NDUFAF2: variants seen among roughly 807,000 people sequenced by gnomAD.
NDUFAF2 encodes NADH dehydrogenase [ubiquinone] 1 alpha subcomplex assembly factor 2.
NDUFAF2 carries 13 observed loss-of-function variants against 22.8 expected under a neutral mutation model. The observed-to-expected ratio is 0.57, with a 90% confidence interval of 0.37 to 0.91. NDUFAF2 has a LOEUF of 0.91. Among genes scored for constraint, NDUFAF2 ranks in the 40% least tolerant of loss-of-function variants. The pLI is 0.01. For synonymous variants in NDUFAF2, 53 were observed against 64.2 expected (o/e 0.83, Z 0.84); for missense variants, 162 against 195.2 (o/e 0.83, Z 1.01).
At chr5:61,139,348 G>A (rs1741016160) in intron 3 of NDUFAF2, among the ~76,000 whole-genome samples, 1 of 152,144 alleles carries the variant, frequency 6.6e-6, no homozygotes, top group South Asian at 2.1e-4. Context: ...CCTGGGAAGA[G>A]ATCAGAATTC....
At chr5:61,059,432 T>A (rs1752137222) in intron 1 of NDUFAF2, among the ~76,000 whole-genome samples, 1 of 152,094 alleles carries the variant, frequency 6.6e-6, no homozygotes, top group Non-Finnish European at 1.5e-5. Flanking sequence ...TTAAAAAAAA[T>A]TCATTAATGA....
chr5:61,047,986 T>C (rs933240788), intron 1 of NDUFAF2, among the ~76,000 whole-genome samples: 2 of 152,186 alleles, frequency 1.3e-5, no homozygotes, highest in Non-Finnish European at 2.9e-5. Context: ...CAAAGCAATT[T>C]AATAAACATG....
At chr5:61,081,866 G>A (rs1170749460) in intron 2 of NDUFAF2, among the ~76,000 whole-genome samples, 2 of 152,214 alleles carry the variant, frequency 1.3e-5, no homozygotes, top group African/African-American at 4.8e-5. Flanking sequence ...AAAGCAATCT[G>A]GCAAGGAACT....
intron 1 of NDUFAF2, among the ~76,000 whole-genome samples, chr5:60,993,816 C>T (rs946153980): frequency 3.9e-5 from 6 of 152,180 alleles, no homozygotes; most frequent in African/African-American, 1.2e-4. Flanking sequence ...TCTGGCTGAG[C>T]CCAGGGCTTT....
At chr5:60,981,831 A>T (rs888820751) in intron 1 of NDUFAF2, among the ~76,000 whole-genome samples, 1 of 152,194 alleles carries the variant, frequency 6.6e-6, no homozygotes, top group African/African-American at 2.4e-5. Flanking sequence ...TTCAGCAGAG[A>T]TGCCAAGAAC....
chr5:61,119,892 A>G (rs569644786), intron 3 of NDUFAF2, among the ~76,000 whole-genome samples: 1 of 152,308 alleles, frequency 6.6e-6, no homozygotes, highest in Non-Finnish European at 1.5e-5. Flanking sequence ...TAAAAATTTA[A>G]TATAACAGTA....
chr5:60,957,499 CT>C (rs35202855), intron 1 of NDUFAF2, among the ~76,000 whole-genome samples: 49,761 of 149,462 alleles, frequency 0.33, 8,482 homozygotes, highest in African/African-American at 0.42. Context: ...GATCTGTTTA[CT>C]TTTTTTTTTT....
At chr5:61,007,756 G>A (rs1171531873) in intron 1 of NDUFAF2, among the ~76,000 whole-genome samples, 4 of 152,138 alleles carry the variant, frequency 2.6e-5, no homozygotes, top group Non-Finnish European at 5.9e-5. Context: ...ATTCCTCAAG[G>A]ATCTAGAACT....
chr5:60,970,824 A>G (rs1227133988), intron 1 of NDUFAF2, among the ~76,000 whole-genome samples: 1 of 152,170 alleles, frequency 6.6e-6, no homozygotes, highest in Non-Finnish European at 1.5e-5. Context: ...TTGAGATGTA[A>G]AGTTCAATAT....
intron 2 of NDUFAF2, among the ~76,000 whole-genome samples, chr5:61,080,382 T>C (rs1026059115): frequency 1.3e-5 from 2 of 152,368 alleles, no homozygotes; most frequent in African/African-American, 4.8e-5. Flanking sequence ...AATGTGGCTG[T>C]ACCATTTTGT....
intron 3 of NDUFAF2, among the ~76,000 whole-genome samples, chr5:61,104,427 T>C (rs1752738231): frequency 1.3e-5 from 2 of 152,090 alleles, no homozygotes; most frequent in African/African-American, 4.8e-5. Context: ...GTTACAATAT[T>C]AGAGTTCAGC....
chr5:61,060,082 T>A (rs1354126645), intron 1 of NDUFAF2, among the ~76,000 whole-genome samples: 1 of 152,200 alleles, frequency 6.6e-6, no homozygotes, highest in Non-Finnish European at 1.5e-5. Flanking sequence ...CTGTGAACAT[T>A]TGGATAAGTT....
chr5:61,074,059 C>T (rs1752335169), intron 2 of NDUFAF2, among the ~76,000 whole-genome samples: 1 of 152,220 alleles, frequency 6.6e-6, no homozygotes, highest in African/African-American at 2.4e-5. Flanking sequence ...AAAATGGCAC[C>T]TCATAACCAT....
chr5:61,097,457 A>G (rs1323448282), intron 2 of NDUFAF2, among the ~76,000 whole-genome samples: 3 of 152,226 alleles, frequency 2.0e-5, no homozygotes, highest in Admixed American at 6.5e-5. Context: ...GAAAAACAGA[A>G]TGGTTTCATA....
At chr5:61,035,496 TG>T (rs1270484583) in intron 1 of NDUFAF2, among the ~76,000 whole-genome samples, 1 of 131,240 alleles carries the variant, frequency 7.6e-6, no homozygotes, top group Non-Finnish European at 1.5e-5. Flanking sequence ...AAAACCAAGA[TG>T]GTATTAAACA....
At chr5:61,074,919 C>T (rs999860180) in intron 2 of NDUFAF2, among the ~76,000 whole-genome samples, 8 of 152,154 alleles carry the variant, frequency 5.3e-5, no homozygotes, top group East Asian at 3.9e-4. Context: ...TGCGTGGCAG[C>T]GGGAGAGAGA....
chr5:61,081,132 T>C (rs1310555336), intron 2 of NDUFAF2, among the ~76,000 whole-genome samples: 1 of 152,200 alleles, frequency 6.6e-6, no homozygotes, highest in Non-Finnish European at 1.5e-5. Flanking sequence ...AGACATCAAT[T>C]GACTATGGAT....
At chr5:61,064,651 TCAA>T (rs1364795841) in intron 1 of NDUFAF2, among the ~76,000 whole-genome samples, 1 of 151,606 alleles carries the variant, frequency 6.6e-6, no homozygotes, top group Non-Finnish European at 1.5e-5. Context: ...AAAGAATAAA[TCAA>T]AAGAGAAATT....
At chr5:61,048,208 G>C (rs559127978) in intron 1 of NDUFAF2, among the ~76,000 whole-genome samples, 1 of 152,136 alleles carries the variant, frequency 6.6e-6, no homozygotes, top group African/African-American at 2.4e-5. Context: ...TTACAATTTG[G>C]AGAGTTTTGA....
Sources: gnomAD v4.1 joint callset for allele counts (sites outside exome capture counted in the v4.1 genomes callset) on GRCh38, gnomAD v4.1.1 for gene constraint, MANE v1.5 for transcripts, NCBI Gene and HGNC (gene_info 2026-07-23, HGNC 2026-07-21) for gene names.